ADAMTS12: variants seen among roughly 807,000 people sequenced by gnomAD.
ADAMTS12 encodes the protein A disintegrin and metalloproteinase with thrombospondin motifs 12.
In ADAMTS12, 118 loss-of-function variants were observed where a neutral mutation model predicts 167.8. The ratio of observed to expected loss-of-function variants is 0.70; its 90% CI spans 0.61 to 0.82. The LOEUF (loss-of-function observed/expected upper bound fraction) is 0.82, where lower values mean the gene tolerates loss of function less well. ADAMTS12 is among the 40% of genes least tolerant of loss of function. ADAMTS12 has a pLI of 0.00. For synonymous variants in ADAMTS12, 704 were observed against 716.9 expected (o/e 0.98, Z 0.29); for missense variants, 1,916 against 1,998.8 (o/e 0.96, Z 0.79).
chr5:33,886,394 T>C (rs563727281), intron 1 of ADAMTS12, among the ~76,000 whole-genome samples: 1 of 152,202 alleles, frequency 6.6e-6, no homozygotes, highest in Non-Finnish European at 1.5e-5. Flanking sequence ...TCAGTTGTTA[T>C]CCCCATTTCA....
intron 3 of ADAMTS12, among the ~76,000 whole-genome samples, chr5:33,696,205 A>G (rs1021192561): frequency 7.9e-5 from 12 of 151,960 alleles, no homozygotes; most frequent in Non-Finnish European, 7.4e-5. Context: ...GCAGATCACG[A>G]GGTCAGGAGA....
At chr5:33,830,460 G>T (rs2548025) in intron 2 of ADAMTS12, among the ~76,000 whole-genome samples, 1 of 152,062 alleles carries the variant, frequency 6.6e-6, no homozygotes, top group African/African-American at 2.4e-5. Context: ...GTCTGGGGAC[G>T]AGAGGTCCTA....
intron 3 of ADAMTS12, among the ~76,000 whole-genome samples, chr5:33,735,569 A>C (rs1744341322): frequency 6.6e-6 from 1 of 152,192 alleles, no homozygotes; most frequent in Non-Finnish European, 1.5e-5. Flanking sequence ...AATTTGGCTT[A>C]TGGACTGTAG....
chr5:33,554,042 T>C (rs554398504), intron 20 of ADAMTS12, among the ~76,000 whole-genome samples: 5 of 152,170 alleles, frequency 3.3e-5, no homozygotes, highest in African/African-American at 1.2e-4. Flanking sequence ...CATAAATGAA[T>C]AGAAGAAATA....
intron 19 of ADAMTS12, among the ~76,000 whole-genome samples, chr5:33,566,309 TA>T (rs1398376581): frequency 2.6e-5 from 4 of 152,072 alleles, no homozygotes; most frequent in South Asian, 2.1e-4. Context: ...CAAAAAATAA[TA>T]AAAAAATTAT....
At chr5:33,704,266 G>A (rs538232041) in intron 3 of ADAMTS12, among the ~76,000 whole-genome samples, 158 of 152,092 alleles carry the variant, frequency 1.0e-3, no homozygotes, top group African/African-American at 3.3e-3. Context: ...AATTCAGATC[G>A]CTTCCGTATC....
chr5:33,891,062 A>G (rs1750823421), intron 1 of ADAMTS12, among the ~76,000 whole-genome samples: 1 of 152,178 alleles, frequency 6.6e-6, no homozygotes, highest in Non-Finnish European at 1.5e-5. Flanking sequence ...GAATAAAACA[A>G]CAACAACAAA....
intron 23 of ADAMTS12, among the ~76,000 whole-genome samples, chr5:33,534,455 G>A (rs1379469696): frequency 6.6e-6 from 1 of 152,180 alleles, no homozygotes; most frequent in East Asian, 1.9e-4. Flanking sequence ...CAGATTTATA[G>A]AGATGACCAT....
chr5:33,613,071 G>A (rs573236195), intron 16 of ADAMTS12, among the ~76,000 whole-genome samples: 4 of 152,314 alleles, frequency 2.6e-5, no homozygotes, highest in African/African-American at 9.6e-5. Context: ...TGAGAGGGAA[G>A]CCTGTGGGAG....
At chr5:33,529,039 T>C (rs1413525588) in intron 23 of ADAMTS12, among the ~76,000 whole-genome samples, 1 of 151,934 alleles carries the variant, frequency 6.6e-6, no homozygotes, top group African/African-American at 2.4e-5. Flanking sequence ...GAGTGAAACT[T>C]CATCTCAAAA....
chr5:33,598,400 T>TA (rs931159865), intron 16 of ADAMTS12, among the ~76,000 whole-genome samples: 43 of 151,962 alleles, frequency 2.8e-4, no homozygotes, highest in Middle Eastern at 3.4e-3. Context: ...CCTGCTTAAA[T>TA]AAAAAAAAGA....
chr5:33,733,756 A>G (rs1396265559), intron 3 of ADAMTS12, among the ~76,000 whole-genome samples: 1 of 152,166 alleles, frequency 6.6e-6, no homozygotes, highest in Non-Finnish European at 1.5e-5. Flanking sequence ...CCATCATTCC[A>G]TGTGGCCATG....
Position 33,626,616 on chromosome 5 carries a change from G to T in ADAMTS12, c.2023-2265C>A, listed in dbSNP as rs1287858465. Among the ~76,000 whole-genome samples the T allele has an allele frequency of 4.7e-5, 7 of 148,898 alleles. No homozygotes were observed. The South Asian group carries it at 1.1e-3, about 23-fold the overall frequency. On this transcript the variant is annotated intron_variant, in intron 13 of 23. Transcript: ENST00000504830. Reference sequence around the variant, plus strand: ...GTAATGATGGTGGTGGTGGTGGTGAGGTGACGGTGGTGGTGATTTGATGAT... The same window carrying T: ...GTAATGATGGTGGTGGTGGTGGTGATGTGACGGTGGTGGTGATTTGATGAT...
chr5:33,680,752 T>C (rs1288161657), intron 5 of ADAMTS12, among the ~76,000 whole-genome samples: 1 of 152,162 alleles, frequency 6.6e-6, no homozygotes, highest in Non-Finnish European at 1.5e-5. Context: ...ATAGGCAAGA[T>C]GGCAAAGCTA....
intron 3 of ADAMTS12, among the ~76,000 whole-genome samples, chr5:33,704,946 A>T (rs1207969883): frequency 6.6e-6 from 1 of 151,858 alleles, no homozygotes; most frequent in African/African-American, 2.4e-5. Context: ...CCTATATTTT[A>T]TTCTAAGAGT....
chr5:33,848,505 T>C (rs1311466317), intron 2 of ADAMTS12, among the ~76,000 whole-genome samples: 1 of 152,242 alleles, frequency 6.6e-6, no homozygotes, highest in East Asian at 1.9e-4. Context: ...TTTCCTATGA[T>C]ACACATGTCT....
At chr5:33,648,729 G>T in intron 9 of ADAMTS12, 93 bp downstream of exon 9, 4 of 1,421,290 alleles carry the variant, frequency 2.8e-6, no homozygotes, top group South Asian at 1.2e-5. Flanking sequence ...TCTGTGTCTG[G>T]ATGTTCAGTT....
chr5:33,754,852 C>T (rs1044143165), intron 2 of ADAMTS12, among the ~76,000 whole-genome samples: 4 of 152,088 alleles, frequency 2.6e-5, no homozygotes, highest in Non-Finnish European at 4.4e-5. Context: ...GGGAAGAAAA[C>T]TCCATCTCAA....
intron 2 of ADAMTS12, among the ~76,000 whole-genome samples, chr5:33,792,202 G>C (rs140813186): frequency 4.6e-5 from 7 of 152,152 alleles, no homozygotes; most frequent in South Asian, 2.1e-4. Flanking sequence ...CAACACGTTA[G>C]CCAGGCTGGT....
Sources: allele counts gnomAD v4.1 joint callset (sites outside exome capture counted in the v4.1 genomes callset), GRCh38; gene constraint gnomAD v4.1.1; transcripts MANE v1.5; gene names NCBI Gene and HGNC (gene_info 2026-07-23, HGNC 2026-07-21).